The following XPO4 variants were observed in gnomAD, a reference collection of about 807,000 sequenced individuals.
XPO4 encodes the protein exportin-4.
XPO4 carries 39 observed loss-of-function variants against 143.0 expected under a neutral mutation model. The ratio of observed to expected loss-of-function variants is 0.27; its 90% CI spans 0.21 to 0.36. The LOEUF is 0.36. XPO4 is among the 10% of genes least tolerant of loss of function. The pLI is 1.00. For synonymous variants in XPO4, 439 were observed against 474.0 expected (o/e 0.93, Z 0.96); for missense variants, 907 against 1,348.0 (o/e 0.67, Z 5.12).
chr13:20,902,117 C>G, intron 1 of XPO4: 1 of 985,362 alleles, frequency 1.0e-6, no homozygotes, highest in Non-Finnish European at 1.2e-6. Flanking sequence ...CTCAACGATT[C>G]CCCTCCCTCC....
At chr13:20,818,763 T>C (rs1175911046) in intron 9 of XPO4, among the ~76,000 whole-genome samples, 2 of 152,166 alleles carry the variant, frequency 1.3e-5, no homozygotes, top group Non-Finnish European at 2.9e-5. Flanking sequence ...AAAAAATTAT[T>C]CTACATGTTA....
intron 1 of XPO4, chr13:20,902,329 G>A: frequency 1.0e-6 from 1 of 985,368 alleles, no homozygotes; most frequent in Non-Finnish European, 1.2e-6. Context: ...CCGAAGCCCT[G>A]CGGGGATAAC....
intron 2 of XPO4, among the ~76,000 whole-genome samples, chr13:20,864,559 T>C (rs909975186): frequency 6.6e-6 from 1 of 152,186 alleles, no homozygotes; most frequent in African/African-American, 2.4e-5. Context: ...TGAGGTCACA[T>C]GGCTGGTAAA....
intron 9 of XPO4, among the ~76,000 whole-genome samples, chr13:20,811,026 TA>T (rs1236852774): frequency 6.6e-6 from 1 of 152,138 alleles, no homozygotes; most frequent in East Asian, 1.9e-4. Flanking sequence ...TGAATGGAGC[TA>T]ACATTTGGCT....
chr13:20,784,699 T>G (rs1168189489), intron 22 of XPO4, among the ~76,000 whole-genome samples: 1 of 152,110 alleles, frequency 6.6e-6, no homozygotes, highest in Non-Finnish European at 1.5e-5. Flanking sequence ...TGCCAGCACT[T>G]TGGGAGGCTG....
chr13:20,837,085 G>A (rs893915854), intron 6 of XPO4, among the ~76,000 whole-genome samples: 1 of 152,084 alleles, frequency 6.6e-6, no homozygotes, highest in Non-Finnish European at 1.5e-5. Context: ...GGACATTTGG[G>A]TTGTTTCTAC....
chr13:20,815,049 T>C (rs184717410), intron 9 of XPO4, among the ~76,000 whole-genome samples: 21 of 152,252 alleles, frequency 1.4e-4, no homozygotes, highest in South Asian at 4.1e-4. Context: ...TGACATCAAA[T>C]TGAATTTCAG....
At chr13:20,868,316 T>G (rs749167409) in intron 2 of XPO4, 2 of 229,630 alleles carry the variant, frequency 8.7e-6, no homozygotes, top group Admixed American at 1.1e-4. Flanking sequence ...AAATACTAAA[T>G]TTTTCTCTTT....
chr13:20,841,005 T>C (rs1189222983), intron 6 of XPO4, among the ~76,000 whole-genome samples: 1 of 152,224 alleles, frequency 6.6e-6, no homozygotes, highest in Admixed American at 6.5e-5. Context: ...ATTTTATGTG[T>C]GTGTATCTTT....
chr13:20,845,675 T>G (rs145626744), intron 4 of XPO4, among the ~76,000 whole-genome samples: 34 of 152,380 alleles, frequency 2.2e-4, no homozygotes, highest in African/African-American at 7.5e-4. Context: ...TTCAAAAATT[T>G]TCTTTTAAAA....
At chr13:20,900,660 TGG>T (rs2060612196) in intron 1 of XPO4, among the ~76,000 whole-genome samples, 1 of 151,638 alleles carries the variant, frequency 6.6e-6, no homozygotes, top group Non-Finnish European at 1.5e-5. Flanking sequence ...TCGCCCAGAC[TGG>T]AGTGCAGCAG....
chr13:20,849,643 A>T, intron 4 of XPO4: 1 of 985,128 alleles, frequency 1.0e-6, no homozygotes, highest in Non-Finnish European at 1.2e-6. Context: ...GCTTGAAATA[A>T]CATTATTTAA....
chr13:20,874,987 C>A lies in XPO4; in HGVS notation c.70-6286G>T, dbSNP rs551215451. Among the ~76,000 whole-genome samples the A allele has an allele frequency of 2.3e-5, 3 of 131,698 alleles. No homozygotes were observed. The East Asian group carries it at 6.0e-4, about 26-fold the overall frequency. 86.4% of individuals were successfully genotyped at this position (131,698 alleles called of 152,430 possible). A position where few individuals can be genotyped will look rare whatever the true frequency, so the allele number is the denominator to read the frequency against. On this transcript the variant is annotated intron_variant, in intron 1 of 22. Coordinates refer to ENST00000255305, the MANE Select transcript of XPO4 (RefSeq NM_022459.5). ...CCAGCCTGGGGGACAAAGTGAGACT[C>A]CGTCTCAAAAAAAAAATTCTGTTCT...
intron 1 of XPO4, among the ~76,000 whole-genome samples, chr13:20,886,534 C>G (rs964875529): frequency 6.6e-6 from 1 of 151,646 alleles, no homozygotes; most frequent in Non-Finnish European, 1.5e-5. Context: ...ATCCCTTGAA[C>G]CCAAGATGCG....
At chr13:20,838,484 C>A (rs2059940866) in intron 6 of XPO4, among the ~76,000 whole-genome samples, 1 of 151,756 alleles carries the variant, frequency 6.6e-6, no homozygotes, top group Non-Finnish European at 1.5e-5. Context: ...GTGGCGGGCA[C>A]CTGTGGTCCC....
intron 6 of XPO4, among the ~76,000 whole-genome samples, chr13:20,830,563 A>T (rs2059840484): frequency 6.6e-6 from 1 of 152,220 alleles, no homozygotes; most frequent in Non-Finnish European, 1.5e-5. Flanking sequence ...ATAGGACACA[A>T]TTACAATCCT....
chr13:20,851,711 CA>C (rs11340357), intron 4 of XPO4: 131,152 of 754,392 alleles, frequency 0.17, 2,211 homozygotes, highest in African/African-American at 0.3. Context: ...CCCGGTCTCA[CA>C]AAAAAAAAAA....
At chr13:20,831,828 T>C (rs76828111) in intron 6 of XPO4, among the ~76,000 whole-genome samples, 1 of 126,250 alleles carries the variant, frequency 7.9e-6, no homozygotes, top group Middle Eastern at 4.1e-3. Context: ...TTTTTTTTTT[T>C]GGTCTCTGTA....
Position 20,795,458 on chromosome 13 carries a change from T to C in XPO4, c.2797+618A>G, listed in dbSNP as rs558278995. 4.6e-5 allele frequency among the ~76,000 whole-genome samples: 7 copies of C among 152,376 alleles called. No individual in the cohort carries two copies. The East Asian group carries it at 7.7e-4, about 17-fold the overall frequency. On this transcript the variant is annotated intron_variant, in intron 18 of 22. Coordinates refer to ENST00000255305, the MANE Select transcript of XPO4 (RefSeq NM_022459.5). Reference sequence around the variant, plus strand: ...AAAGGTATTTATTATCATACCCATTTGACCAGCTAGTAAAGACACAGGTAG... The same window carrying C: ...AAAGGTATTTATTATCATACCCATTCGACCAGCTAGTAAAGACACAGGTAG...
Sources: gnomAD v4.1 joint callset for allele counts (sites outside exome capture counted in the v4.1 genomes callset) on GRCh38, gnomAD v4.1.1 for gene constraint, MANE v1.5 for transcripts, NCBI Gene and HGNC (gene_info 2026-07-23, HGNC 2026-07-21) for gene names.